MSI2: variants seen among roughly 807,000 people sequenced by gnomAD.
MSI2 encodes RNA-binding protein Musashi homolog 2.
Under a neutral mutation model 45.6 loss-of-function variants are expected in MSI2, and 17 were observed. The ratio of observed to expected loss-of-function variants is 0.37; its 90% CI spans 0.26 to 0.56. MSI2 has a LOEUF of 0.56. MSI2 is among the 20% of genes least tolerant of loss of function. The pLI is 0.77. For missense variants in MSI2, 293 were observed against 444.2 expected (o/e 0.66, Z 3.06); for synonymous variants, 156 against 158.2 (o/e 0.99, Z 0.11).
chr17:57,444,597 A>AG (rs1488695911), intron 6 of MSI2: 2 of 151,964 alleles, frequency 1.3e-5, no homozygotes, highest in Non-Finnish European at 2.9e-5. Flanking sequence ...AAAAAAAAAA[A>AG]GAACACAGCA....
chr17:57,549,868 G>A (rs1218053899), intron 7 of MSI2, among the ~76,000 whole-genome samples: 1 of 152,246 alleles, frequency 6.6e-6, no homozygotes, highest in Non-Finnish European at 1.5e-5. Flanking sequence ...GCCTTGCTGA[G>A]TAGAGAAGGG....
At chr17:57,350,224 G>GA (rs1403223895) in intron 5 of MSI2, among the ~76,000 whole-genome samples, 7 of 141,922 alleles carry the variant, frequency 4.9e-5, no homozygotes, top group African/African-American at 2.0e-4. Context: ...CCAGAGGTAG[G>GA]GGTGTGTGTG....
At chr17:57,656,798 C>G (rs1911628612) in intron 11 of MSI2, among the ~76,000 whole-genome samples, 1 of 152,208 alleles carries the variant, frequency 6.6e-6, no homozygotes, top group Admixed American at 6.5e-5. Context: ...GGGAAAGGAG[C>G]AGTCCTGCAG....
rs1388770555 is a variant in MSI2 at position 57,652,204 on chromosome 17, A to G, written c.790+43A>G. 2 of 1,566,570 alleles carry G rather than the reference A, an allele frequency of 1.3e-6. No homozygotes were observed. Among genetic ancestry groups the G allele is most frequent in the East Asian group, 4.5e-5 (2 of 44,496 alleles). The stretch of plus-strand genomic sequence containing the variant: ...ACAGGCGACTCCCAGGCATGCCCCC[A>G]GTGTGCAGGGGGAGGTCAAGGCCCT... On this transcript the variant is annotated intron_variant, in intron 11 of 13. Transcript: ENST00000284073. This position sits in a 1 kb window ranked among gnomAD's most constrained non-coding sequence, Gnocchi z 4.1.
At chr17:57,502,970 AT>A (rs373628496) in intron 6 of MSI2, among the ~76,000 whole-genome samples, 13 of 149,762 alleles carry the variant, frequency 8.7e-5, no homozygotes, top group East Asian at 3.9e-4. Context: ...GAGACACTTA[AT>A]TTTTTTTTTC....
chr17:57,347,208 G>T (rs1915681483), intron 5 of MSI2, among the ~76,000 whole-genome samples: 1 of 152,106 alleles, frequency 6.6e-6, no homozygotes, highest in African/African-American at 2.4e-5. Context: ...TAGAAGCCCT[G>T]GCCCTTAGGT....
At chr17:57,678,691 A>G (rs1346994262) in intron 13 of MSI2, among the ~76,000 whole-genome samples, 2 of 150,324 alleles carry the variant, frequency 1.3e-5, no homozygotes, top group Non-Finnish European at 3.0e-5. Context: ...GTGGAATGGG[A>G]TGGGGGAGGC....
intron 9 of MSI2, among the ~76,000 whole-genome samples, chr17:57,619,283 G>A (rs556859059): frequency 5.9e-5 from 9 of 152,350 alleles, no homozygotes; most frequent in Non-Finnish European, 8.8e-5. Flanking sequence ...CACCTGCTGC[G>A]TGACCAGCCC....
chr17:57,468,187 G>C (rs1598303255), intron 6 of MSI2, among the ~76,000 whole-genome samples: 2 of 151,702 alleles, frequency 1.3e-5, no homozygotes, highest in East Asian at 3.9e-4. Context: ...TCTACTTAAG[G>C]GTATTGTGAG....
At chr17:57,697,152 A>ACACATACACACACACACT in the MSI2 span, among the ~76,000 whole-genome samples, 301 of 151,498 alleles carry the variant, frequency 2.0e-3, 3 homozygotes, top group Non-Finnish European at 2.5e-3. Context: ...GGACACACAC[A>ACACATACACACACACACT]CACACACACA....
chr17:57,588,487 G>A (rs1027988048), intron 7 of MSI2, among the ~76,000 whole-genome samples: 13 of 152,176 alleles, frequency 8.5e-5, no homozygotes, highest in Non-Finnish European at 1.5e-4. Context: ...GGAAAGGTTC[G>A]GAGAAGTCAC....
intron 5 of MSI2, among the ~76,000 whole-genome samples, chr17:57,297,106 C>G (rs1322282235): frequency 6.6e-6 from 1 of 151,838 alleles, no homozygotes; most frequent in South Asian, 2.1e-4. Flanking sequence ...AACTCCTGAC[C>G]TTGTGATCCA....
chr17:57,381,346 G>A (rs146166309), intron 5 of MSI2, among the ~76,000 whole-genome samples: 20 of 152,218 alleles, frequency 1.3e-4, no homozygotes, highest in African/African-American at 3.9e-4. Flanking sequence ...GATTATAGGC[G>A]TGAGCCACCG....
At chr17:57,340,238 T>G (rs1350136050) in intron 5 of MSI2, among the ~76,000 whole-genome samples, 1 of 152,174 alleles carries the variant, frequency 6.6e-6, no homozygotes, top group Non-Finnish European at 1.5e-5. Context: ...TGGGCCATTG[T>G]GCAAACCCAA....
At chr17:57,511,288 G>A (rs938736658) in intron 6 of MSI2, among the ~76,000 whole-genome samples, 2 of 152,194 alleles carry the variant, frequency 1.3e-5, no homozygotes, top group African/African-American at 4.8e-5. Context: ...AACAAAGGAA[G>A]GCGCATTAAT....
intron 5 of MSI2, among the ~76,000 whole-genome samples, chr17:57,308,004 A>G (rs372289221): frequency 6.6e-6 from 1 of 152,342 alleles, no homozygotes; most frequent in East Asian, 1.9e-4. Flanking sequence ...TGCTCAGTCA[A>G]TGCATGAAGA....
In MSI2 at chr17:57,683,330, T is replaced by G; in HGVS notation, c.*3813T>G. 4.3e-6 allele frequency: 1 copy of G among 230,696 alleles called. No individual in the cohort carries two copies. Among genetic ancestry groups the G allele is most frequent in the Non-Finnish European group, 8.6e-6 (1 of 116,464 alleles). The allele number at this position is 230,696 out of a possible 1,614,324, so 14.3% of individuals were successfully genotyped here. ...GTTTTTGATTTCTTGGGGGTGGGTT[T>G]TGCTTGTTGTTCCTTTTCATTTGGG... On this transcript the variant is annotated 3_prime_UTR_variant, in exon 14 of 14. Transcript: ENST00000284073. This position sits in a 1 kb window ranked among gnomAD's most constrained non-coding sequence, Gnocchi z 5.2.
chr17:57,632,362 A>G (rs1424877347), intron 10 of MSI2: 2 of 1,066,472 alleles, frequency 1.9e-6, no homozygotes, highest in East Asian at 5.0e-5. Context: ...AAGAGGAGCT[A>G]TATAAACACT....
At chr17:57,383,385 G>A (rs781486575) in intron 5 of MSI2, among the ~76,000 whole-genome samples, 3 of 152,188 alleles carry the variant, frequency 2.0e-5, no homozygotes, top group Admixed American at 6.5e-5. Context: ...GGCTGGGTGC[G>A]GTGGCTCATG....
Sources: allele counts gnomAD v4.1 joint callset (sites outside exome capture counted in the v4.1 genomes callset), GRCh38; gene constraint gnomAD v4.1.1; non-coding constraint Gnocchi (gnomAD v3.1); transcripts MANE v1.5; gene names NCBI Gene and HGNC (gene_info 2026-07-23, HGNC 2026-07-21).